PDE6D: variants seen among roughly 807,000 people sequenced by gnomAD.
PDE6D encodes the protein phosphodiesterase 6D, also known as retinal rod rhodopsin-sensitive cGMP 3',5'-cyclic phosphodiesterase subunit delta.
In PDE6D, 10 loss-of-function variants were observed where a neutral mutation model predicts 21.9. That is an observed-to-expected ratio of 0.46 (90% CI 0.28 to 0.78). The LOEUF (loss-of-function observed/expected upper bound fraction) is 0.78, where lower values mean the gene tolerates loss of function less well. Among genes scored for constraint, PDE6D ranks in the 30% least tolerant of loss-of-function variants. The pLI, the probability that PDE6D is intolerant of heterozygous loss-of-function variation, is 0.12. For synonymous variants in PDE6D, 59 were observed against 63.5 expected (o/e 0.93, Z 0.34); for missense variants, 139 against 184.8 (o/e 0.75, Z 1.44).
intron 1 of PDE6D, among the ~76,000 whole-genome samples, chr2:231,761,537 A>AT (rs551028119): frequency 8.7e-4 from 133 of 152,250 alleles, no homozygotes; most frequent in African/African-American, 3.0e-3. Context: ...AGTCTTAACT[A>AT]TTTTTGCATT....
intron 1 of PDE6D, among the ~76,000 whole-genome samples, chr2:231,761,299 C>T (rs528391143): frequency 1.1e-4 from 17 of 152,256 alleles, no homozygotes; most frequent in East Asian, 5.8e-4. Context: ...CTCAGCCTCC[C>T]GAGTAGCTGG....
intron 4 of PDE6D, among the ~76,000 whole-genome samples, chr2:231,735,450 C>T (rs1212692384): frequency 2.7e-5 from 4 of 150,748 alleles, no homozygotes; most frequent in Non-Finnish European, 5.9e-5. Flanking sequence ...AAGCGTGTGC[C>T]GCCATGCCCA....
rs571970266 is a variant in PDE6D at position 231,781,262 on chromosome 2, C to T, written c.-148G>A. On this transcript the variant is annotated 5_prime_UTR_variant, in exon 1 of 5. Coordinates refer to ENST00000287600, the MANE Select transcript of PDE6D (RefSeq NM_002601.4). ...CCAGACCAGGACCGGCCTCTCTCTC[C>T]CCTCAGCTCCCGCTTCTGATCCCTT... 37 of 671,114 alleles carry T rather than the reference C, an allele frequency of 5.5e-5. 1 individual carries two copies. The highest frequency in any genetic ancestry group is 1.8e-4 in the Admixed American group (7 of 38,124). 41.6% of individuals were successfully genotyped at this position (671,114 alleles called of 1,614,324 possible). A position where few individuals can be genotyped will look rare whatever the true frequency, so the allele number is the denominator to read the frequency against.
At chr2:231,752,915 G>C (rs1031094357) in intron 1 of PDE6D, among the ~76,000 whole-genome samples, 2 of 143,526 alleles carry the variant, frequency 1.4e-5, no homozygotes, top group African/African-American at 5.2e-5. Flanking sequence ...CTCACTGCAA[G>C]CTTCGCCTCC....
At position 231,753,515 on chromosome 2, in the gene PDE6D, C is replaced by G. The variant is rs866677096; in HGVS notation, c.51-14327G>C. Among the ~76,000 whole-genome samples the G allele has an allele frequency of 1.1e-3, 164 of 151,860 alleles. 1 individual carries two copies. Among genetic ancestry groups the G allele is most frequent in the African/African-American group, 3.9e-3 (160 of 41,444 alleles). On this transcript the variant is annotated intron_variant, in intron 1 of 4. Coordinates refer to ENST00000287600, the MANE Select transcript of PDE6D (RefSeq NM_002601.4). ...GCAGTGAGCCGAGATCGTGCCACTG[C>G]AGTCCAGCCTGGGCGACAGAGCAAG... is the stretch of plus-strand genomic sequence containing the variant.
Position 231,737,220 on chromosome 2 carries a change from G to T in PDE6D, c.338C>A (p.Pro113His), listed in dbSNP as rs1207611324. ...GCTTGCTGGCATCATCTGGGACTCG[G>T]GTGCTGCCTCTATCAAGGACTGCCA... ...NTWQSLIEAA[P>H]ESQMMPASVL... Residue 113 changes from proline (P) to histidine (H), a missense_variant, in exon 4 of 5, where the codon CCC becomes CAC. Transcript: ENST00000287600. The T allele has an allele frequency of 6.2e-7, 1 of 1,611,922 alleles. No homozygotes were observed. Among genetic ancestry groups the T allele is most frequent in the South Asian group, 1.1e-5 (1 of 91,032 alleles).
intron 1 of PDE6D, among the ~76,000 whole-genome samples, chr2:231,748,093 C>T (rs980504624): frequency 2.0e-5 from 3 of 151,934 alleles, no homozygotes; most frequent in Non-Finnish European, 2.9e-5. Context: ...AGATTGGGGG[C>T]GTTGCTGAAA....
intron 3 of PDE6D, 70 bp from the exon 4 acceptor site, chr2:231,737,362 T>A: frequency 1.3e-6 from 1 of 770,840 alleles, no homozygotes; most frequent in African/African-American, 1.7e-5. Context: ...TTTGTCTCCC[T>A]CTCTAGAGTG....
At chr2:231,778,980 TCTATTTACCCAATA>T (rs1393567053) in intron 1 of PDE6D, 3 of 152,206 alleles carry the variant, frequency 2.0e-5, no homozygotes, top group Non-Finnish European at 4.4e-5. Flanking sequence ...GTTCAGAAAA[TCTATTTACCCAATA>T]AAAGGTGGAC....
intron 1 of PDE6D, among the ~76,000 whole-genome samples, chr2:231,777,410 T>C (rs992204558): frequency 4.6e-5 from 7 of 151,964 alleles, no homozygotes; most frequent in African/African-American, 1.5e-4. Context: ...CCTTGAGCAA[T>C]CCTCCCACCT....
At chr2:231,752,306 G>T (rs150757228) in intron 1 of PDE6D, among the ~76,000 whole-genome samples, 2 of 152,194 alleles carry the variant, frequency 1.3e-5, no homozygotes, top group Non-Finnish European at 2.9e-5. Flanking sequence ...TCACGTAGCA[G>T]CTGTGATCTT....
intron 1 of PDE6D, among the ~76,000 whole-genome samples, chr2:231,762,597 G>A (rs911097455): frequency 2.0e-5 from 3 of 151,864 alleles, no homozygotes; most frequent in Admixed American, 1.3e-4. Flanking sequence ...CTCCTGCCTC[G>A]CCCTCTCAAA....
Position 231,749,228 on chromosome 2 carries a change from G to C in PDE6D, c.51-10040C>G, listed in dbSNP as rs557913914. On this transcript the variant is annotated intron_variant, in intron 1 of 4. Coordinates refer to ENST00000287600, the MANE Select transcript of PDE6D (RefSeq NM_002601.4). ...CAGAGGCGGAGCTGCCCAAGACCATGAGAACCCGCCTCTTGCATCACCGTG... is the reference window on the plus strand; with the variant it reads ...CAGAGGCGGAGCTGCCCAAGACCATCAGAACCCGCCTCTTGCATCACCGTG... 5.9e-5 allele frequency among the ~76,000 whole-genome samples: 9 copies of C among 152,294 alleles called. 1 individual carries two copies. The highest frequency in any genetic ancestry group is 2.2e-4 in the African/African-American group (9 of 41,560).
chr2:231,733,089 A>T, intron 4 of PDE6D, 56 bp from the exon 5 acceptor site: 1 of 1,192,546 alleles, frequency 8.4e-7, no homozygotes, highest in Non-Finnish European at 1.3e-6. Flanking sequence ...TAGGCACAAG[A>T]TTTCATTTCC....
intron 1 of PDE6D, among the ~76,000 whole-genome samples, chr2:231,758,126 C>T (rs916027136): frequency 6.6e-6 from 1 of 152,036 alleles, no homozygotes; most frequent in Non-Finnish European, 1.5e-5. Context: ...TATATATCTA[C>T]CTACCTACCT....
chr2:231,777,790 A>G (rs560789224), intron 1 of PDE6D, among the ~76,000 whole-genome samples: 78 of 152,352 alleles, frequency 5.1e-4, no homozygotes, highest in Admixed American at 1.6e-3. Context: ...TACTGGAACT[A>G]TTGGCTATCC....
intron 1 of PDE6D, among the ~76,000 whole-genome samples, chr2:231,747,106 T>A (rs1307791201): frequency 6.6e-6 from 1 of 152,196 alleles, no homozygotes; most frequent in African/African-American, 2.4e-5. Context: ...TTTTTTCTTT[T>A]GAGATGGAGT....
At chr2:231,748,296 G>A (rs1308192532) in intron 1 of PDE6D, among the ~76,000 whole-genome samples, 1 of 152,100 alleles carries the variant, frequency 6.6e-6, no homozygotes, top group East Asian at 1.9e-4. Flanking sequence ...GAACTTGTTC[G>A]GCACTGGAGC....
intron 4 of PDE6D, among the ~76,000 whole-genome samples, chr2:231,734,205 C>T (rs1417739374): frequency 1.3e-5 from 2 of 151,414 alleles, no homozygotes; most frequent in African/African-American, 4.9e-5. Flanking sequence ...CAGAGCGAGA[C>T]TCTGTCTCAA....
Sources: gnomAD v4.1 joint callset for allele counts (sites outside exome capture counted in the v4.1 genomes callset) on GRCh38, gnomAD v4.1.1 for gene constraint, MANE v1.5 for transcripts, NCBI Gene and HGNC (gene_info 2026-07-23, HGNC 2026-07-21) for gene names.